The following PHLDB2 variants were observed in gnomAD, a reference collection of about 807,000 sequenced individuals.
PHLDB2 encodes the protein pleckstrin homology like domain family B member 2.
In PHLDB2, 71 loss-of-function variants were observed where a neutral mutation model predicts 123.6. The ratio of observed to expected loss-of-function variants is 0.57; its 90% confidence interval spans 0.47 to 0.70. PHLDB2 has a LOEUF of 0.70. PHLDB2 is among the 30% of genes least tolerant of loss of function. The probability of loss-of-function intolerance (pLI) is 0.00; values close to 1 mark genes in which losing one functional copy is unlikely to be tolerated. For missense variants in PHLDB2, 1,446 were observed against 1,519.5 expected, an observed-to-expected ratio of 0.95 and a Z score of 0.80; for synonymous variants, 547 against 541.6, an observed-to-expected ratio of 1.01 and a Z score of -0.14.
intron 10 of PHLDB2, among the ~76,000 whole-genome samples, 197 bp downstream of exon 10, chr3:111,949,272 C>T (rs961189803): frequency 1.3e-5 from 2 of 152,100 alleles, no homozygotes; most frequent in Admixed American, 6.6e-5. Context: ...TTCTAGAAAC[C>T]ATGAAATTTA....
At chr3:111,818,156 TA>T (rs1356162159) in intron 1 of PHLDB2, among the ~76,000 whole-genome samples, 1 of 128,496 alleles carries the variant, frequency 7.8e-6, no homozygotes. Context: ...AGAAATTTTT[TA>T]AAAAACTGGT....
intron 1 of PHLDB2, among the ~76,000 whole-genome samples, chr3:111,861,182 G>T (rs1434784223): frequency 6.6e-6 from 1 of 152,202 alleles, no homozygotes; most frequent in African/African-American, 2.4e-5. Context: ...TATTTTAACA[G>T]AATGGCTATA....
chr3:111,735,652 G>T (rs1941663916), intron 1 of PHLDB2, among the ~76,000 whole-genome samples: 1 of 152,204 alleles, frequency 6.6e-6, no homozygotes, highest in Non-Finnish European at 1.5e-5. Flanking sequence ...TGCATGAACT[G>T]TACTTACATG....
chr3:111,770,590 G>A (rs6791600), intron 1 of PHLDB2, among the ~76,000 whole-genome samples: 3,668 of 152,228 alleles, frequency 0.024, 63 homozygotes, highest in Non-Finnish European at 0.03. Flanking sequence ...GCTGTGTAGT[G>A]TATAAATTAC....
intron 2 of PHLDB2, among the ~76,000 whole-genome samples, chr3:111,903,471 T>TGGCCTTGA (rs920533852): frequency 6.6e-6 from 1 of 152,180 alleles, no homozygotes; most frequent in Non-Finnish European, 1.5e-5. Flanking sequence ...AGGGAGTTGG[T>TGGCCTTGA]GGCCTTGAGG....
At chr3:111,954,165 T>G in intron 12 of PHLDB2, 136 bp downstream of exon 12, 1 of 678,806 alleles carries the variant, frequency 1.5e-6, no homozygotes, top group Non-Finnish European at 2.5e-6. Flanking sequence ...TAATGTGTTC[T>G]CTTTCGGGAG....
At chr3:111,739,593 CAAA>C (rs2059566532) in intron 1 of PHLDB2, among the ~76,000 whole-genome samples, 3 of 115,844 alleles carry the variant, frequency 2.6e-5, no homozygotes, top group Non-Finnish European at 5.0e-5. Flanking sequence ...AAAAACAAAA[CAAA>C]CAAAAAAAAA....
chr3:111,803,434 C>T, intron 1 of PHLDB2, among the ~76,000 whole-genome samples: 1 of 152,166 alleles, frequency 6.6e-6, no homozygotes, highest in Non-Finnish European at 1.5e-5. Flanking sequence ...GTGCCCCCAC[C>T]ACCCCGTGCA....
intron 9 of PHLDB2, 132 bp downstream of exon 9, chr3:111,945,489 T>C (rs2070236998): frequency 2.8e-6 from 2 of 706,622 alleles, no homozygotes; most frequent in Non-Finnish European, 4.9e-6. Context: ...GCTTGGATGG[T>C]TTCCCTGCCT....
rs2060407560 is a variant in PHLDB2, at chr3:111,780,399, A to AGAAGAGGAAGAAG, written c.-49+47701_-49+47702insGGAAGAAGGAAGA. Reference sequence around the variant, plus strand: ...AAGAAGAAGAAGAAGAAGAAGAAGAAGAAGAAGAAGAAAAAGATTAGTTCG... The same window carrying AGAAGAGGAAGAAG: ...AAGAAGAAGAAGAAGAAGAAGAAGAAGAAGAGGAAGAAGGAAGAAGAAGAAAAAGATTAGTTCG... On this transcript the variant is annotated intron_variant, in intron 1 of 17. Transcript: ENST00000393923. Among the ~76,000 whole-genome samples the AGAAGAGGAAGAAG allele has an allele frequency of 1.5e-4, 11 of 74,364 alleles. 4 individuals carry two copies. The highest frequency in any genetic ancestry group is 3.3e-4 in the African/African-American group (7 of 21,356). 48.8% of individuals were successfully genotyped at this position (74,364 alleles called of 152,430 possible).
At chr3:111,888,038 A>G (rs1194118290) in intron 2 of PHLDB2, among the ~76,000 whole-genome samples, 2 of 152,140 alleles carry the variant, frequency 1.3e-5, no homozygotes, top group Non-Finnish European at 2.9e-5. Flanking sequence ...ATCAGCATGA[A>G]GGAGAGTTAA....
At chr3:111,867,223 AT>A in intron 1 of PHLDB2, among the ~76,000 whole-genome samples, 1 of 152,084 alleles carries the variant, frequency 6.6e-6, no homozygotes. Context: ...AAGAGTTAGT[AT>A]TTTATACTTA....
At chr3:111,974,163 C>T (rs1318138181) in intron 17 of PHLDB2, among the ~76,000 whole-genome samples, 1 of 152,156 alleles carries the variant, frequency 6.6e-6, no homozygotes, top group Admixed American at 6.5e-5. Context: ...AACTCCTACT[C>T]TCAGCTAGGT....
At chr3:111,923,565 G>C (rs1044372012) in intron 5 of PHLDB2, among the ~76,000 whole-genome samples, 37 of 151,978 alleles carry the variant, frequency 2.4e-4, no homozygotes, top group Non-Finnish European at 1.2e-4. Context: ...ATCCCCACTT[G>C]GATATTTCAT....
intron 1 of PHLDB2, among the ~76,000 whole-genome samples, chr3:111,794,421 G>T (rs2061064491): frequency 6.6e-6 from 1 of 152,194 alleles, no homozygotes; most frequent in Non-Finnish European, 1.5e-5. Context: ...ATCTTCTTCA[G>T]TGCCTCTTTC....
intron 2 of PHLDB2, chr3:111,846,052 G>A (rs1053524464): frequency 1.9e-6 from 2 of 1,071,214 alleles, no homozygotes; most frequent in Middle Eastern, 2.7e-4. Flanking sequence ...GCAATCATTG[G>A]GGAAGAGAGC....
chr3:111,845,280 G>A (rs1025206315), intron 1 of PHLDB2, among the ~76,000 whole-genome samples: 9 of 137,300 alleles, frequency 6.6e-5, no homozygotes, highest in East Asian at 2.3e-4. Context: ...GCTTGAATCC[G>A]GGAGGTGGAG....
chr3:111,965,807 G>T (rs887892481), intron 13 of PHLDB2, among the ~76,000 whole-genome samples: 1 of 152,142 alleles, frequency 6.6e-6, no homozygotes, highest in African/African-American at 2.4e-5. Flanking sequence ...GAATGTAAGC[G>T]GTGGAAAATA....
intron 1 of PHLDB2, among the ~76,000 whole-genome samples, chr3:111,839,432 T>G (rs1299640974): frequency 2.0e-5 from 3 of 152,204 alleles, no homozygotes; most frequent in Non-Finnish European, 2.9e-5. Flanking sequence ...CTGTTCACAA[T>G]GTACTCTCAA....
Sources: allele counts gnomAD v4.1 joint callset (sites outside exome capture counted in the v4.1 genomes callset), GRCh38; gene constraint gnomAD v4.1.1; transcripts MANE v1.5; gene names NCBI Gene and HGNC (gene_info 2026-07-23, HGNC 2026-07-21).